CTNNBL1: variants seen among roughly 807,000 people sequenced by gnomAD.
CTNNBL1 encodes the protein catenin beta like 1.
CTNNBL1 carries 31 observed loss-of-function variants against 72.7 expected under a neutral mutation model. The ratio of observed to expected loss-of-function variants is 0.43; its 90% CI spans 0.32 to 0.58. CTNNBL1 has a LOEUF of 0.58. Among genes scored for constraint, CTNNBL1 ranks in the 20% least tolerant of loss-of-function variants. CTNNBL1 has a pLI of 0.08. For synonymous variants in CTNNBL1, 240 were observed against 267.3 expected, an observed-to-expected ratio of 0.90 and a Z score of 1.00; for missense variants, 534 against 725.1, an observed-to-expected ratio of 0.74 and a Z score of 3.03.
intron 4 of CTNNBL1, 160 bp downstream of exon 4, chr20:37,746,767 T>C: frequency 1.0e-6 from 1 of 989,106 alleles, no homozygotes; most frequent in Non-Finnish European, 1.6e-6. Context: ...TTTTTACTCA[T>C]TTGAAAACCT....
Position 37,742,967 on chromosome 20 carries a change from T to C in CTNNBL1, c.327-3501T>C, listed in dbSNP as rs922634099. On this transcript the variant is annotated intron_variant, in intron 3 of 15. Coordinates refer to ENST00000361383, the MANE Select transcript of CTNNBL1 (RefSeq NM_030877.5). ...TACAAGTGTGCGCCACCACACCTAG[T>C]TAATTTTTGTGTTTTTAGTAGAGAC... 3.9e-5 allele frequency among the ~76,000 whole-genome samples: 6 copies of C among 151,986 alleles called. No individual in the cohort carries two copies. The Middle Eastern group carries it at 0.01, about 258-fold the overall frequency.
intron 13 of CTNNBL1, among the ~76,000 whole-genome samples, chr20:37,856,336 C>A (rs1159059434): frequency 6.6e-6 from 1 of 152,068 alleles, no homozygotes; most frequent in Non-Finnish European, 1.5e-5. Flanking sequence ...ATGGCTAGTT[C>A]AAGGCAGGCC....
At chr20:37,753,385 T>C (rs1028508105) in intron 4 of CTNNBL1, among the ~76,000 whole-genome samples, 9 of 152,198 alleles carry the variant, frequency 5.9e-5, no homozygotes, top group Non-Finnish European at 1.0e-4. Flanking sequence ...AAAATCACTT[T>C]TGTCTAAAAT....
rs937784449 is a variant in CTNNBL1, at chr20:37,764,009, G to T, written c.565-1188G>T. Reference sequence around the variant, plus strand: ...CAAGGTGCCTGCCTTTCAGGAACTTGGCTTTTTCTTAGCCAGTGGAAGAGA... The same window carrying T: ...CAAGGTGCCTGCCTTTCAGGAACTTTGCTTTTTCTTAGCCAGTGGAAGAGA... On this transcript the variant is annotated intron_variant, in intron 5 of 15. Transcript: ENST00000361383. 3.3e-5 allele frequency among the ~76,000 whole-genome samples: 5 copies of T among 152,166 alleles called. No homozygotes were observed. The East Asian group carries it at 9.6e-4, about 29-fold the overall frequency.
At chr20:37,699,837 C>T (rs531773338) in intron 1 of CTNNBL1, among the ~76,000 whole-genome samples, 1 of 152,258 alleles carries the variant, frequency 6.6e-6, no homozygotes, top group South Asian at 2.1e-4. Flanking sequence ...AAATTTTCCC[C>T]AGCTGAGACA....
chr20:37,752,549 T>G (rs939825293), intron 4 of CTNNBL1, among the ~76,000 whole-genome samples: 7 of 150,640 alleles, frequency 4.6e-5, no homozygotes, highest in African/African-American at 1.7e-4. Context: ...TAATACATCT[T>G]ATTTCTCTTT....
chr20:37,784,794 ATTCTGTGTTT>A (rs1309184800), intron 10 of CTNNBL1, among the ~76,000 whole-genome samples: 3 of 152,150 alleles, frequency 2.0e-5, no homozygotes, highest in Non-Finnish European at 2.9e-5. Context: ...GTGTTATAAT[ATTCTGTGTTT>A]TTCTGTGTAC....
At chr20:37,745,993 A>G (rs1452834784) in intron 3 of CTNNBL1, among the ~76,000 whole-genome samples, 2 of 152,196 alleles carry the variant, frequency 1.3e-5, no homozygotes, top group East Asian at 3.8e-4. Context: ...AAGAGGAGGA[A>G]GAGGGAGGGC....
chr20:37,827,553 G>C (rs2072170728), intron 11 of CTNNBL1, among the ~76,000 whole-genome samples: 1 of 152,214 alleles, frequency 6.6e-6, no homozygotes, highest in African/African-American at 2.4e-5. Context: ...CCTAACTCTA[G>C]CGTTCTCTAC....
chr20:37,705,642 T>C (rs1196825570), intron 1 of CTNNBL1, among the ~76,000 whole-genome samples: 1 of 152,226 alleles, frequency 6.6e-6, no homozygotes, highest in Non-Finnish European at 1.5e-5. Flanking sequence ...TCAAGAATTA[T>C]GTCATCACCA....
intron 1 of CTNNBL1, among the ~76,000 whole-genome samples, chr20:37,705,217 C>T (rs1295897496): frequency 6.6e-6 from 1 of 152,154 alleles, no homozygotes; most frequent in East Asian, 1.9e-4. Flanking sequence ...CATTAATTAA[C>T]CTCTTTAAGC....
intron 7 of CTNNBL1, among the ~76,000 whole-genome samples, chr20:37,775,879 T>C (rs1477500768): frequency 6.6e-6 from 1 of 152,204 alleles, no homozygotes; most frequent in Non-Finnish European, 1.5e-5. Flanking sequence ...AAGTGTCTTG[T>C]TTTAAACAAG....
intron 11 of CTNNBL1, among the ~76,000 whole-genome samples, chr20:37,837,069 T>C (rs548466998): frequency 6.6e-6 from 1 of 152,208 alleles, no homozygotes; most frequent in Non-Finnish European, 1.5e-5. Context: ...TCCAACTTGG[T>C]TGGCACAAGG....
intron 5 of CTNNBL1, among the ~76,000 whole-genome samples, chr20:37,764,210 G>A (rs1419627106): frequency 1.3e-5 from 2 of 152,186 alleles, no homozygotes; most frequent in Non-Finnish European, 2.9e-5. Context: ...CTGAGAGGGA[G>A]GATAACGCAA....
At chr20:37,720,741 T>C (rs1182773083) in intron 1 of CTNNBL1, among the ~76,000 whole-genome samples, 1 of 152,190 alleles carries the variant, frequency 6.6e-6, no homozygotes, top group Non-Finnish European at 1.5e-5. Flanking sequence ...TGCTAATATA[T>C]ATAGAGCCAA....
chr20:37,849,488 G>A (rs973986193), intron 13 of CTNNBL1, among the ~76,000 whole-genome samples: 5 of 152,120 alleles, frequency 3.3e-5, no homozygotes, highest in South Asian at 2.1e-4. Flanking sequence ...CTAGACATTG[G>A]CCCATTGCTC....
chr20:37,787,843 T>C (rs1327683087), intron 10 of CTNNBL1, among the ~76,000 whole-genome samples: 1 of 152,210 alleles, frequency 6.6e-6, no homozygotes, highest in Non-Finnish European at 1.5e-5. Flanking sequence ...CTATTCTTTC[T>C]ATTAGTGATT....
At chr20:37,824,257 G>A (rs1410152760) in intron 11 of CTNNBL1, among the ~76,000 whole-genome samples, 1 of 152,218 alleles carries the variant, frequency 6.6e-6, no homozygotes, top group African/African-American at 2.4e-5. Context: ...AAACTGTGTC[G>A]CTGCTTCCAG....
At chr20:37,823,280 A>G (rs1267441117) in intron 11 of CTNNBL1, among the ~76,000 whole-genome samples, 3 of 152,224 alleles carry the variant, frequency 2.0e-5, no homozygotes, top group African/African-American at 4.8e-5. Flanking sequence ...AGAAAGAGCT[A>G]TGTCAGTGCA....
Sources: allele counts gnomAD v4.1 joint callset (sites outside exome capture counted in the v4.1 genomes callset), GRCh38; gene constraint gnomAD v4.1.1; transcripts MANE v1.5; gene names NCBI Gene and HGNC (gene_info 2026-07-23, HGNC 2026-07-21).